VPS35L: variants seen among roughly 807,000 people sequenced by gnomAD.
VPS35L encodes VPS35 endosomal protein-sorting factor-like.
In VPS35L, 83 loss-of-function variants were observed where a neutral mutation model predicts 133.0. That is an observed-to-expected ratio of 0.62 (90% confidence interval 0.52 to 0.75). The LOEUF (loss-of-function observed/expected upper bound fraction) is 0.75. Ranked by LOEUF, VPS35L falls within the 30% of genes least tolerant of loss-of-function variation. VPS35L has a pLI of 0.00. For synonymous variants in VPS35L, 423 were observed against 449.9 expected (o/e 0.94, Z 0.76); for missense variants, 1,083 against 1,206.8 (o/e 0.90, Z 1.52).
At chr16:19,680,022 C>T (rs1548447) in intron 27 of VPS35L, among the ~76,000 whole-genome samples, 15,317 of 152,158 alleles carry the variant, frequency 0.1, 1,096 homozygotes, top group East Asian at 0.21. Flanking sequence ...GTCAGAGACG[C>T]TTGGTTTATC....
At chr16:19,565,962 G>A (rs1971175407) in intron 2 of VPS35L, among the ~76,000 whole-genome samples, 1 of 152,180 alleles carries the variant, frequency 6.6e-6, no homozygotes, top group Non-Finnish European at 1.5e-5. Flanking sequence ...TGCCAGGTTG[G>A]TACTGTCTTA....
At chr16:19,670,320 G>T (rs1974833843) in intron 27 of VPS35L, among the ~76,000 whole-genome samples, 1 of 152,216 alleles carries the variant, frequency 6.6e-6, no homozygotes, top group Non-Finnish European at 1.5e-5. Flanking sequence ...CAAGGCAGAG[G>T]TGTCGCCCAG....
At chr16:19,600,197 G>A (rs1441834572) in intron 8 of VPS35L, among the ~76,000 whole-genome samples, 1 of 150,994 alleles carries the variant, frequency 6.6e-6, no homozygotes, top group Non-Finnish European at 1.5e-5. Context: ...GTATTTTCCT[G>A]TCTCTTTTTC....
chr16:19,692,245 ACT>A (rs1423021913), intron 29 of VPS35L, among the ~76,000 whole-genome samples: 3 of 151,826 alleles, frequency 2.0e-5, no homozygotes, highest in Non-Finnish European at 4.4e-5. Flanking sequence ...ACACCCGGTA[ACT>A]CTCTGCACCA....
At chr16:19,636,430 G>A (rs1479994266) in intron 19 of VPS35L, among the ~76,000 whole-genome samples, 1 of 152,176 alleles carries the variant, frequency 6.6e-6, no homozygotes, top group East Asian at 1.9e-4. Flanking sequence ...CAGTTTATGT[G>A]TAGCTGTGCT....
intron 8 of VPS35L, among the ~76,000 whole-genome samples, chr16:19,598,061 A>G (rs1972271999): frequency 6.6e-6 from 1 of 152,024 alleles, no homozygotes; most frequent in African/African-American, 2.4e-5. Flanking sequence ...CACTGGAGGC[A>G]TTGGGTACAG....
rs1318838295 is a variant in VPS35L, at chr16:19,564,979, GAT to G, written c.117+32_117+33del. ...AGTTTTGTTAAGGGTCTTTCTGAAT[GAT>G]ATTCTTATCCCTTGAAATGAAAGAC... On this transcript the variant is annotated intron_variant, in intron 2 of 30. Transcript: ENST00000417362. 3.0e-5 allele frequency: 45 copies of G among 1,486,882 alleles called. No individual in the cohort carries two copies. In the Admixed American group the frequency reaches 7.5e-4, roughly 25 times the overall value. 92.1% of individuals were successfully genotyped at this position (1,486,882 alleles called of 1,614,324 possible). A position where few individuals can be genotyped will look rare whatever the true frequency, so the allele number is the denominator to read the frequency against.
At chr16:19,586,839 C>G (rs1971880149) in intron 7 of VPS35L, among the ~76,000 whole-genome samples, 1 of 152,140 alleles carries the variant, frequency 6.6e-6, no homozygotes, top group Admixed American at 6.6e-5. Context: ...AGGTAAGGAT[C>G]TAAATAATTT....
intron 25 of VPS35L, 132 bp downstream of exon 25, chr16:19,650,591 A>G (rs539020010): frequency 6.3e-5 from 46 of 727,418 alleles, no homozygotes; most frequent in Non-Finnish European, 9.1e-5. Context: ...GATTTTTCAG[A>G]TTAATTTTTC....
intron 1 of VPS35L, among the ~76,000 whole-genome samples, chr16:19,564,642 A>C (rs1440403371): frequency 1.3e-5 from 2 of 152,088 alleles, no homozygotes; most frequent in Non-Finnish European, 2.9e-5. Flanking sequence ...CACGTGATCC[A>C]CCCACCTAGG....
intron 1 of VPS35L, 106 bp downstream of exon 1, chr16:19,555,852 T>A: frequency 6.9e-7 from 1 of 1,438,864 alleles, no homozygotes; most frequent in African/African-American, 1.4e-5. Context: ...GTTCTGGTGG[T>A]CGACCGGCCA....
Position 19,627,789 on chromosome 16 carries a change from A to G in VPS35L, c.1367A>G (p.Glu456Gly), listed in dbSNP as rs1973315973. ...DFIGMIKECD[E>G]SGFPKHLLFR... ...ATTGGCATGATTAAAGAGTGTGATGAATCTGGTTTCCCCAAGGTAGGCTCT... is the reference window on the plus strand; with the variant it reads ...ATTGGCATGATTAAAGAGTGTGATGGATCTGGTTTCCCCAAGGTAGGCTCT... The change falls in exon 16 of 31, where the codon GAA (glutamate) becomes GGA (glycine). Residue 456 changes from glutamate (E) to glycine (G), a missense_variant. Physicochemically the swap from Glu to Gly is moderately conservative, Grantham distance 98. Coordinates refer to ENST00000417362, the MANE Select transcript of VPS35L (RefSeq NM_020314.7). 6.2e-7 allele frequency: 1 copy of G among 1,612,304 alleles called. No individual in the cohort carries two copies. The highest frequency in any genetic ancestry group is 8.5e-7 in the Non-Finnish European group (1 of 1,178,434).
At chr16:19,628,597 T>G (rs1973343136) in intron 16 of VPS35L, 40 bp from the exon 17 acceptor site, 1 of 1,150,458 alleles carries the variant, frequency 8.7e-7, no homozygotes. Flanking sequence ...TTAATTTGAT[T>G]TAAAATTTCC....
intron 23 of VPS35L, 86 bp downstream of exon 23, chr16:19,645,035 G>C: frequency 1.1e-6 from 1 of 885,676 alleles, no homozygotes; most frequent in Non-Finnish European, 1.8e-6. Flanking sequence ...TTAACATTAT[G>C]TTCTCTGGTG....
chr16:19,556,364 G>A lies in VPS35L; in HGVS notation c.17+618G>A, dbSNP rs1597292834. Among the ~76,000 whole-genome samples the A allele has an allele frequency of 3.3e-5, 5 of 152,328 alleles. 1 individual carries two copies. In the South Asian group the frequency reaches 1.0e-3, roughly 32 times the overall value. ...GGGGCTAGGGGAAGGCTTCAGAGAG[G>A]AGGAGTTAAATTGGGTCTTGGAGGA... is the stretch of plus-strand genomic sequence containing the variant. On this transcript the variant is annotated intron_variant, in intron 1 of 30. Coordinates refer to ENST00000417362, the MANE Select transcript of VPS35L (RefSeq NM_020314.7).
intron 27 of VPS35L, among the ~76,000 whole-genome samples, chr16:19,674,170 GT>G (rs1462067125): frequency 2.7e-5 from 3 of 112,462 alleles, no homozygotes; most frequent in Non-Finnish European, 5.2e-5. Context: ...ACCTGGTTCA[GT>G]TTTTTTCTTT....
intron 26 of VPS35L, among the ~76,000 whole-genome samples, chr16:19,663,551 T>G (rs1974558973): frequency 1.4e-5 from 2 of 143,660 alleles, no homozygotes; most frequent in African/African-American, 2.5e-5. Context: ...CCCCCCGATT[T>G]TTTGTATGTA....
intron 2 of VPS35L, among the ~76,000 whole-genome samples, chr16:19,566,605 G>A (rs868162195): frequency 6.6e-6 from 1 of 152,262 alleles, no homozygotes; most frequent in South Asian, 2.1e-4. Context: ...GTTCAGAGAG[G>A]CTCCAGCACA....
chr16:19,655,409 A>T (rs1555504931), intron 26 of VPS35L, among the ~76,000 whole-genome samples: 1 of 152,218 alleles, frequency 6.6e-6, no homozygotes, highest in Non-Finnish European at 1.5e-5. Context: ...AAGCTCATGG[A>T]AATGCGCTGC....
Sources: gnomAD v4.1 joint callset for allele counts (sites outside exome capture counted in the v4.1 genomes callset) on GRCh38, gnomAD v4.1.1 for gene constraint, MANE v1.5 for transcripts, NCBI Gene and HGNC (gene_info 2026-07-23, HGNC 2026-07-21) for gene names.